ASIC2: variants seen among roughly 807,000 people sequenced by gnomAD.
ASIC2 encodes acid-sensing ion channel 2.
ASIC2 carries 25 observed loss-of-function variants against 57.3 expected under a neutral mutation model. That is an observed-to-expected ratio of 0.44 (90% confidence interval 0.32 to 0.61). The LOEUF (loss-of-function observed/expected upper bound fraction) is 0.61. Ranked by LOEUF, ASIC2 falls within the 20% of genes least tolerant of loss-of-function variation. The pLI is 0.06. For missense variants in ASIC2, 641 were observed against 738.1 expected, an observed-to-expected ratio of 0.87 and a Z score of 1.52; for synonymous variants, 319 against 307.5, an observed-to-expected ratio of 1.04 and a Z score of -0.39.
At chr17:33,648,111 G>T (rs566029545) in intron 1 of ASIC2, among the ~76,000 whole-genome samples, 17 of 152,322 alleles carry the variant, frequency 1.1e-4, no homozygotes, top group African/African-American at 3.8e-4. Context: ...AGCTGAAGAT[G>T]AGGTGAATGT....
chr17:34,134,384 G>A (rs1160739487), intron 1 of ASIC2, among the ~76,000 whole-genome samples: 1 of 152,184 alleles, frequency 6.6e-6, no homozygotes, highest in Non-Finnish European at 1.5e-5. Context: ...ACCAGAGCTG[G>A]ACAGTCACCT....
chr17:33,732,807 T>C (rs1909788988), intron 1 of ASIC2, among the ~76,000 whole-genome samples: 1 of 152,076 alleles, frequency 6.6e-6, no homozygotes, highest in Non-Finnish European at 1.5e-5. Context: ...CTGGCTAATA[T>C]TTGTAATTTT....
At chr17:33,815,452 C>T (rs1912547981) in intron 1 of ASIC2, among the ~76,000 whole-genome samples, 1 of 152,228 alleles carries the variant, frequency 6.6e-6, no homozygotes, top group Admixed American at 6.5e-5. Context: ...TGTGTCCACA[C>T]TCACCCATAT....
intron 1 of ASIC2, among the ~76,000 whole-genome samples, chr17:34,000,452 C>T (rs867715045): frequency 6.6e-6 from 1 of 152,044 alleles, no homozygotes; most frequent in East Asian, 1.9e-4. Flanking sequence ...GGGGTTTCTC[C>T]ATGTTGGTCA....
chr17:33,400,056 C>A (rs571371480), intron 1 of ASIC2, among the ~76,000 whole-genome samples: 1 of 152,356 alleles, frequency 6.6e-6, no homozygotes, highest in South Asian at 2.1e-4. Context: ...CTGGACCATA[C>A]ATTATTAATT....
intron 1 of ASIC2, among the ~76,000 whole-genome samples, chr17:33,579,142 C>G (rs1419622660): frequency 6.6e-6 from 1 of 151,894 alleles, no homozygotes; most frequent in Admixed American, 6.6e-5. Flanking sequence ...AAACAGTAGC[C>G]AGGCATGATG....
rs139646373 is a variant in ASIC2 at position 33,717,236 on chromosome 17, C to T, written c.555+438742G>A. Among the ~76,000 whole-genome samples the T allele has an allele frequency of 3.3e-3, 504 of 152,358 alleles. 5 individuals carry two copies. Among genetic ancestry groups the T allele is most frequent in the Admixed American group, 5.6e-3 (85 of 15,308 alleles). On this transcript the variant is annotated intron_variant, in intron 1 of 9. Transcript: ENST00000359872. ...TAATTTGATGCAATGCATTACTGCTCTGACAGCTTTCAGCTTTTGCACAAA... is the reference window on the plus strand; with the variant it reads ...TAATTTGATGCAATGCATTACTGCTTTGACAGCTTTCAGCTTTTGCACAAA...
intron 1 of ASIC2, among the ~76,000 whole-genome samples, chr17:33,927,371 G>T (rs920872850): frequency 2.6e-5 from 4 of 152,230 alleles, no homozygotes; most frequent in African/African-American, 9.7e-5. Flanking sequence ...GGTAGTAAGA[G>T]CTGGGTGTGA....
At chr17:33,818,849 T>C (rs923548188) in intron 1 of ASIC2, among the ~76,000 whole-genome samples, 1 of 152,234 alleles carries the variant, frequency 6.6e-6, no homozygotes, top group African/African-American at 2.4e-5. Flanking sequence ...GGCTGGTGTT[T>C]GTTCTACTGG....
At chr17:34,132,950 C>T (rs770546651) in intron 1 of ASIC2, among the ~76,000 whole-genome samples, 2 of 152,184 alleles carry the variant, frequency 1.3e-5, no homozygotes, top group African/African-American at 2.4e-5. Flanking sequence ...GACCTAGGCC[C>T]CAATCTAACC....
At chr17:33,570,653 C>T (rs1421969004) in intron 1 of ASIC2, among the ~76,000 whole-genome samples, 32 of 152,228 alleles carry the variant, frequency 2.1e-4, no homozygotes, top group Admixed American at 2.1e-3. Context: ...TCAAAACCTA[C>T]TGTTTCTCAT....
At chr17:33,457,251 T>TC (rs1487683522) in intron 1 of ASIC2, among the ~76,000 whole-genome samples, 2 of 151,908 alleles carry the variant, frequency 1.3e-5, no homozygotes, top group Non-Finnish European at 2.9e-5. Flanking sequence ...TTTTTCTTTT[T>TC]TTTTTTTTTA....
intron 2 of ASIC2, among the ~76,000 whole-genome samples, chr17:33,094,355 T>C (rs2092169509): frequency 6.6e-6 from 1 of 152,150 alleles, no homozygotes; most frequent in African/African-American, 2.4e-5. Context: ...ATAGTGTCTC[T>C]CTCTGGGTTT....
intron 1 of ASIC2, among the ~76,000 whole-genome samples, chr17:33,703,839 C>G (rs1173985843): frequency 6.6e-6 from 1 of 152,128 alleles, no homozygotes; most frequent in Non-Finnish European, 1.5e-5. Context: ...CTGTCCTCCC[C>G]CTTAGCTAGG....
chr17:33,329,843 CAGGT>C (rs1907236565), intron 1 of ASIC2, among the ~76,000 whole-genome samples: 2 of 152,164 alleles, frequency 1.3e-5, no homozygotes, highest in Non-Finnish European at 2.9e-5. Context: ...GAACTATACC[CAGGT>C]AGGTCATTGG....
intron 1 of ASIC2, among the ~76,000 whole-genome samples, chr17:33,957,901 T>C (rs557362681): frequency 4.8e-4 from 73 of 152,220 alleles, no homozygotes; most frequent in African/African-American, 1.7e-3. Flanking sequence ...GCCTATAAAA[T>C]CAAAAGCAAG....
At chr17:34,016,423 CAAAAAAA>C (rs398041640) in intron 1 of ASIC2, among the ~76,000 whole-genome samples, 15 of 41,464 alleles carry the variant, frequency 3.6e-4, no homozygotes, top group South Asian at 2.1e-3. Context: ...GACTCCGTCT[CAAAAAAA>C]AAAAAAAAAA....
intron 1 of ASIC2, among the ~76,000 whole-genome samples, chr17:33,500,463 C>A (rs1597753563): frequency 6.6e-6 from 1 of 152,178 alleles, no homozygotes; most frequent in Non-Finnish European, 1.5e-5. Flanking sequence ...CTGGGACAGG[C>A]CTACAAGCTG....
chr17:33,716,835 G>A (rs1250747054), intron 1 of ASIC2, among the ~76,000 whole-genome samples: 3 of 152,104 alleles, frequency 2.0e-5, no homozygotes, highest in East Asian at 1.9e-4. Context: ...CTTTCCTTCT[G>A]CAACTATGAG....
Sources: gnomAD v4.1 joint callset for allele counts (sites outside exome capture counted in the v4.1 genomes callset) on GRCh38, gnomAD v4.1.1 for gene constraint, MANE v1.5 for transcripts, NCBI Gene and HGNC (gene_info 2026-07-23, HGNC 2026-07-21) for gene names.